The following CSGALNACT1 variants were observed in gnomAD, a reference collection of about 807,000 sequenced individuals.
CSGALNACT1 encodes the protein chondroitin sulfate N-acetylgalactosaminyltransferase 1, also known as beta4GalNAcT-1.
A neutral mutation model predicts 51.0 loss-of-function variants in CSGALNACT1; 52 were observed. That is an observed-to-expected ratio of 1.02 (90% CI 0.82 to 1.29). The LOEUF (loss-of-function observed/expected upper bound fraction) is 1.29, where lower values mean the gene tolerates loss of function less well. Ranked by LOEUF, CSGALNACT1 falls within the 50% of genes most tolerant of loss-of-function variation. The pLI, the probability that CSGALNACT1 is intolerant of heterozygous loss-of-function variation, is 0.00. For synonymous variants in CSGALNACT1, 341 were observed against 254.4 expected, an observed-to-expected ratio of 1.34 and a Z score of -3.24; for missense variants, 935 against 679.2, an observed-to-expected ratio of 1.38 and a Z score of -4.19.
chr8:19,505,298 C>T, exon 4 of CSGALNACT1: 5 of 1,614,194 alleles, frequency 3.1e-6, no homozygotes, highest in Non-Finnish European at 2.5e-6. Flanking sequence ...CTTCCACCAA[C>T]TCATCCCGCT....
intron 5 of CSGALNACT1, among the ~76,000 whole-genome samples, chr8:19,448,184 G>A (rs1374716569): frequency 6.6e-6 from 1 of 152,040 alleles, no homozygotes; most frequent in Non-Finnish European, 1.5e-5. Flanking sequence ...AGAGAGAGTG[G>A]GAAAAATTGT....
chr8:19,549,335 T>C (rs1028557186), intron 3 of CSGALNACT1, among the ~76,000 whole-genome samples: 2 of 152,224 alleles, frequency 1.3e-5, no homozygotes, highest in African/African-American at 2.4e-5. Flanking sequence ...ACTGTCATTA[T>C]AGTTTTCTTA....
chr8:19,497,032 TC>T (rs1266538838), intron 4 of CSGALNACT1, among the ~76,000 whole-genome samples: 1 of 151,980 alleles, frequency 6.6e-6, no homozygotes, highest in Non-Finnish European at 1.5e-5. Flanking sequence ...TGGGGAAAGA[TC>T]AACAAATATT....
chr8:19,473,717 CATCTA>C (rs1160158787), intron 4 of CSGALNACT1, among the ~76,000 whole-genome samples: 2 of 152,158 alleles, frequency 1.3e-5, no homozygotes, highest in Non-Finnish European at 2.9e-5. Context: ...TGGAATGACT[CATCTA>C]ATTAATTAGT....
chr8:19,669,483 C>T (rs187712764), intron 1 of CSGALNACT1, among the ~76,000 whole-genome samples: 2 of 152,146 alleles, frequency 1.3e-5, no homozygotes, highest in African/African-American at 4.8e-5. Flanking sequence ...ATGGAGTCTC[C>T]CTCTGTCACC....
At chr8:19,568,614 A>G (rs2042368407) in intron 3 of CSGALNACT1, among the ~76,000 whole-genome samples, 1 of 152,258 alleles carries the variant, frequency 6.6e-6, no homozygotes, top group Non-Finnish European at 1.5e-5. Context: ...TAGTGTATAT[A>G]AAGAAAAATC....
intron 3 of CSGALNACT1, among the ~76,000 whole-genome samples, chr8:19,535,252 C>G (rs1429083015): frequency 6.6e-6 from 1 of 152,028 alleles, no homozygotes; most frequent in East Asian, 1.9e-4. Context: ...TGAAATCTGG[C>G]TCTCTAGAAG....
rs902177151 is a variant in CSGALNACT1 at position 19,420,608 on chromosome 8, T to C, written c.954-90A>G. On this transcript the variant is annotated intron_variant, in intron 6 of 9. Transcript: ENST00000454498. ...TATGTAATCAGGGCCCATCCACATC[T>C]TGACCCATTTCTTTTGTAACCTGAG... 4 of 1,366,734 alleles carry C rather than the reference T, an allele frequency of 2.9e-6. No individual in the cohort carries two copies. The African/African-American group carries it at 5.7e-5, about 20-fold the overall frequency. 84.7% of individuals were successfully genotyped at this position (1,366,734 alleles called of 1,614,324 possible). A position where few individuals can be genotyped will look rare whatever the true frequency, so the allele number is the denominator to read the frequency against.
At chr8:19,474,502 T>C (rs1004560251) in intron 4 of CSGALNACT1, among the ~76,000 whole-genome samples, 2 of 152,074 alleles carry the variant, frequency 1.3e-5, no homozygotes, top group Non-Finnish European at 2.9e-5. Flanking sequence ...AAAGCCCAGA[T>C]GATAGTGAAT....
At chr8:19,638,465 C>A (rs1235030822) in intron 1 of CSGALNACT1, among the ~76,000 whole-genome samples, 2 of 152,100 alleles carry the variant, frequency 1.3e-5, no homozygotes, top group South Asian at 4.1e-4. Context: ...GTTAATTGTT[C>A]TAGTTATTTC....
chr8:19,639,000 T>C (rs2056430657), intron 1 of CSGALNACT1, among the ~76,000 whole-genome samples: 1 of 152,184 alleles, frequency 6.6e-6, no homozygotes, highest in Non-Finnish European at 1.5e-5. Flanking sequence ...TGTTTTTTTA[T>C]GGCTCACCAA....
chr8:19,712,725 CA>C (rs1670396620), intron 1 of CSGALNACT1, among the ~76,000 whole-genome samples: 1 of 152,194 alleles, frequency 6.6e-6, no homozygotes, highest in South Asian at 2.1e-4. Context: ...ACAACAGAAC[CA>C]AAATGCATGG....
chr8:19,600,700 T>C (rs929516745), intron 2 of CSGALNACT1, among the ~76,000 whole-genome samples: 14 of 152,114 alleles, frequency 9.2e-5, no homozygotes, highest in South Asian at 2.1e-4. Flanking sequence ...TGTTAGTAAC[T>C]GAAATACAGT....
At chr8:19,457,900 AG>A in intron 5 of CSGALNACT1, 1 of 846,302 alleles carries the variant, frequency 1.2e-6, no homozygotes, top group Non-Finnish European at 1.7e-6. Flanking sequence ...TCTACACTTA[AG>A]TCTAAGATGA....
chr8:19,688,367 C>A (rs2061096191), intron 1 of CSGALNACT1, among the ~76,000 whole-genome samples: 1 of 152,100 alleles, frequency 6.6e-6, no homozygotes, highest in African/African-American at 2.4e-5. Flanking sequence ...TCTCTTTGGT[C>A]TAATATAAAA....
At chr8:19,548,285 T>A (rs1339842025) in intron 3 of CSGALNACT1, among the ~76,000 whole-genome samples, 1 of 152,180 alleles carries the variant, frequency 6.6e-6, no homozygotes, top group Non-Finnish European at 1.5e-5. Context: ...ACACTAAAAT[T>A]GCTTAATATT....
At chr8:19,532,217 A>T (rs867347664) in intron 3 of CSGALNACT1, among the ~76,000 whole-genome samples, 1 of 151,580 alleles carries the variant, frequency 6.6e-6, no homozygotes, top group Non-Finnish European at 1.5e-5. Flanking sequence ...CTCGCTCTGG[A>T]CCTTAAAACA....
chr8:19,663,500 T>TA (rs149778053), intron 1 of CSGALNACT1, among the ~76,000 whole-genome samples: 2,161 of 152,320 alleles, frequency 0.014, 55 homozygotes, highest in African/African-American at 0.05. Context: ...GAGAGGTTCC[T>TA]ACAAGCAACT....
In CSGALNACT1 at chr8:19,477,241, A is replaced by G. The variant is rs1413834409; in HGVS notation, c.635-18599T>C. 2.6e-5 allele frequency among the ~76,000 whole-genome samples: 4 copies of G among 152,332 alleles called. No individual in the cohort carries two copies. In the East Asian group the frequency reaches 5.8e-4, roughly 22 times the overall value. ...TGCCACTCCAGGCATGCGCTGGAAC[A>G]TAAGGCCACTCAGGCTCCCCATAGA... On this transcript the variant is annotated intron_variant, in intron 4 of 9. Coordinates refer to ENST00000454498, the Ensembl canonical transcript of CSGALNACT1.
Sources: gnomAD v4.1 joint callset for allele counts (sites outside exome capture counted in the v4.1 genomes callset) on GRCh38, gnomAD v4.1.1 for gene constraint, MANE v1.5 for transcripts, NCBI Gene and HGNC (gene_info 2026-07-23, HGNC 2026-07-21) for gene names.